Variants in PRELID1 observed in about 807,000 individuals in gnomAD.
PRELID1 encodes PRELI domain-containing protein 1, mitochondrial.
PRELID1 carries 15 observed loss-of-function variants against 29.0 expected under a neutral mutation model. The ratio of observed to expected loss-of-function variants is 0.52; its 90% CI spans 0.35 to 0.80. PRELID1 has a LOEUF of 0.80. Among genes scored for constraint, PRELID1 ranks in the 30% least tolerant of loss-of-function variants. The probability of loss-of-function intolerance (pLI) is 0.01; values close to 1 mark genes in which losing one functional copy is unlikely to be tolerated. For missense variants in PRELID1, 187 were observed against 275.9 expected, an observed-to-expected ratio of 0.68 and a Z score of 2.28; for synonymous variants, 79 against 106.5, an observed-to-expected ratio of 0.74 and a Z score of 1.59.
At position 177,305,950 on chromosome 5, in the gene PRELID1, CCT is replaced by C. The variant is rs1760860570; in HGVS notation, c.401_402del (p.Ser134Ter). On this transcript the variant is annotated frameshift_variant, in exon 3 of 5. Transcript: ENST00000303204. LOFTEE classifies it high-confidence loss of function. ...GAAATCCGCCGGGAAGCCTGGGTCT[CCT>C]CTAGCTTATTTGGTGTCTCCAGAGC... is the stretch of plus-strand genomic sequence containing the variant. The C allele has an allele frequency of 6.2e-7, 1 of 1,614,098 alleles. No homozygotes were observed. Among genetic ancestry groups the C allele is most frequent in the East Asian group, 2.2e-5 (1 of 44,888 alleles).
chr5:177,305,128 A>G (rs887799151), intron 2 of PRELID1, among the ~76,000 whole-genome samples: 1 of 151,988 alleles, frequency 6.6e-6, no homozygotes, highest in Non-Finnish European at 1.5e-5. Context: ...AAGCGCTCCC[A>G]TCTGGCATCT....
intron 4 of PRELID1, 55 bp downstream of exon 4, chr5:177,306,231 C>G (rs753970231): frequency 1.3e-6 from 2 of 1,583,758 alleles, no homozygotes; most frequent in African/African-American, 2.7e-5. Context: ...TTCAGCCTAG[C>G]GGGCGTGGAG....
At chr5:177,304,214 C>T in intron 1 of PRELID1, 137 bp downstream of exon 1, 1 of 870,858 alleles carries the variant, frequency 1.1e-6, no homozygotes, top group Non-Finnish European at 1.8e-6. Flanking sequence ...GCGGCCAGGC[C>T]AGGCCTGCAA....
intron 1 of PRELID1, 45 bp from the exon 2 acceptor site, chr5:177,304,580 T>C: frequency 6.5e-7 from 1 of 1,532,642 alleles, no homozygotes; most frequent in East Asian, 2.3e-5. Flanking sequence ...GGGCAGTCTC[T>C]TAGGGGCAAG....
chr5:177,306,019 G>A (rs1285787561), intron 3 of PRELID1, 35 bp downstream of exon 3: 1 of 1,605,514 alleles, frequency 6.2e-7, no homozygotes, highest in Admixed American at 1.7e-5. Flanking sequence ...GGGGCTCTGG[G>A]ACCCAGTGCT....
Position 177,306,401 on chromosome 5 carries a change from G to T in PRELID1, c.512-21G>T, listed in dbSNP as rs780383596. 1.9e-6 allele frequency: 3 copies of T among 1,613,634 alleles called. No homozygotes were observed. In the African/African-American group the frequency reaches 4.0e-5, roughly 22 times the overall value. ...GTCTTTCAGGCATCTTCTAAAGGCA[G>T]CCACCTGCCGTTCGCGACAGGCGAG... On this transcript the variant is annotated intron_variant, in intron 4 of 4. Coordinates refer to ENST00000303204, the MANE Select transcript of PRELID1 (RefSeq NM_013237.4).
chr5:177,304,941 T>C, intron 2 of PRELID1, 91 bp downstream of exon 2: 1 of 1,286,746 alleles, frequency 7.8e-7, no homozygotes, highest in Non-Finnish European at 1.1e-6. Context: ...TAGAGAGCCA[T>C]AAGGCAGCTT....
rs756632017 is a variant in PRELID1, at chr5:177,306,527, A to G, written c.617A>G (p.Lys206Arg). 115 of 1,612,376 alleles carry G rather than the reference A, an allele frequency of 7.1e-5. No individual in the cohort carries two copies. The highest frequency in any genetic ancestry group is 8.8e-5 in the Non-Finnish European group (104 of 1,179,374). The change falls in exon 5 of 5, where the codon AAG becomes AGG. Residue 206 changes from lysine to arginine, a missense_variant. Transcript: ENST00000303204. The stretch of plus-strand genomic sequence containing the variant: ...GAGAAGGCCAAGGACCTCGCCAGCA[A>G]GGCGGCCACCAAGAAGCAGCAGCAG... Reference protein sequence around the residue: ...ATEKAKDLASKAATKKQQQQQ... With the variant: ...ATEKAKDLASRAATKKQQQQQ...
chr5:177,306,120 A>G lies in PRELID1; in HGVS notation c.455A>G (p.Lys152Arg), dbSNP rs1469172307. 1 of 1,613,804 alleles carries G rather than the reference A, an allele frequency of 6.2e-7. No homozygotes were observed. Among genetic ancestry groups the G allele is most frequent in the African/African-American group, 1.3e-5 (1 of 74,916 alleles). ...AVQEFGLARF[K>R]SNVTKTMKGF... ...CAGGAATTTGGTCTTGCCCGATTCA[A>G]AAGCAACGTGACCAAGACTATGAAG... Residue 152 changes from lysine to arginine, a missense_variant, in exon 4 of 5, where the codon AAA becomes AGA. Physicochemically the swap from Lys to Arg is conservative, Grantham distance 26 (BLOSUM62 2). Transcript: ENST00000303204.
chr5:177,306,136 G>C lies in PRELID1; in HGVS notation c.471G>C (p.Lys157Asn), dbSNP rs764877113. The change falls in exon 4 of 5, where the codon AAG becomes AAC. Residue 157 changes from lysine (K) to asparagine (N), a missense_variant. Physicochemically the swap from Lys to Asn is moderately conservative, Grantham distance 94 (BLOSUM62 0). Transcript: ENST00000303204. ...CCCGATTCAAAAGCAACGTGACCAAGACTATGAAGGGTTTTGAATATATCT... is the reference window on the plus strand; with the variant it reads ...CCCGATTCAAAAGCAACGTGACCAACACTATGAAGGGTTTTGAATATATCT... ...GLARFKSNVT[K>N]TMKGFEYILA... The C allele has an allele frequency of 1.2e-6, 2 of 1,613,936 alleles. No individual in the cohort carries two copies. The highest frequency in any genetic ancestry group is 3.3e-5 in the Admixed American group (2 of 60,018).
Position 177,303,933 on chromosome 5 carries a change from AG to A in PRELID1, c.-51del. ...CCGGCCCGGCCCTCGCGTGCCTCCCAGGCTCCGCACCCCTGATGCTGCGCGG... is the reference window on the plus strand; with the variant it reads ...CCGGCCCGGCCCTCGCGTGCCTCCCAGCTCCGCACCCCTGATGCTGCGCGG... On this transcript the variant is annotated 5_prime_UTR_variant, in exon 1 of 5. Coordinates refer to ENST00000303204, the MANE Select transcript of PRELID1 (RefSeq NM_013237.4). This position sits in a 1 kb window ranked among gnomAD's most constrained non-coding sequence, Gnocchi z 6.1. 6.5e-7 allele frequency: 1 copy of A among 1,537,122 alleles called. No individual in the cohort carries two copies. The highest frequency in any genetic ancestry group is 8.8e-7 in the Non-Finnish European group (1 of 1,131,878).
Position 177,306,620 on chromosome 5 carries a change from G to A in PRELID1, c.*50G>A, listed in dbSNP as rs184770126. ...CCAGACAGCTAGGCTTAGCCTCTCTGCCCTCCCTTCATTGTACTTTATCAT... is the reference window on the plus strand; with the variant it reads ...CCAGACAGCTAGGCTTAGCCTCTCTACCCTCCCTTCATTGTACTTTATCAT... On this transcript the variant is annotated 3_prime_UTR_variant, in exon 5 of 5. Transcript: ENST00000303204. 7.4e-5 allele frequency: 116 copies of A among 1,572,594 alleles called. 1 individual carries two copies. In the Middle Eastern group the frequency reaches 1.3e-3, roughly 18 times the overall value.
At chr5:177,304,449 G>A in intron 1 of PRELID1, 176 bp from the exon 2 acceptor site, 1 of 702,688 alleles carries the variant, frequency 1.4e-6, no homozygotes, top group South Asian at 1.5e-5. Flanking sequence ...GATGGCGGGA[G>A]TGGGAATTTG....
rs1581586759 is a variant in PRELID1 at position 177,305,779 on chromosome 5, C to T, written c.319-92C>T. On this transcript the variant is annotated intron_variant, in intron 2 of 4. Coordinates refer to ENST00000303204, the MANE Select transcript of PRELID1 (RefSeq NM_013237.4). Reference sequence around the variant, plus strand: ...GAAGGAATGGATTTTCATTGTATTGCTTCGCCTCATGAAAAGTGACAGGGA... The same window carrying T: ...GAAGGAATGGATTTTCATTGTATTGTTTCGCCTCATGAAAAGTGACAGGGA... 4.4e-5 allele frequency: 46 copies of T among 1,034,134 alleles called. No individual in the cohort carries two copies. The East Asian group carries it at 1.1e-3, about 25-fold the overall frequency. The allele number at this position is 1,034,134 out of a possible 1,614,324, so 64.1% of individuals were successfully genotyped here.
chr5:177,305,063 C>G (rs1446378571), intron 2 of PRELID1, among the ~76,000 whole-genome samples: 1 of 152,190 alleles, frequency 6.6e-6, no homozygotes, highest in Non-Finnish European at 1.5e-5. Flanking sequence ...TTGACTCATT[C>G]ATACAGTGGG....
In PRELID1 at chr5:177,303,804, G is replaced by T. The variant is rs1365436386; in HGVS notation, c.-182G>T. 2.3e-6 allele frequency: 1 copy of T among 436,936 alleles called. No homozygotes were observed. The highest frequency in any genetic ancestry group is 3.9e-6 in the Non-Finnish European group (1 of 257,268). The allele number at this position is 436,936 out of a possible 1,614,324, so 27.1% of individuals were successfully genotyped here. A position where few individuals can be genotyped will look rare whatever the true frequency, so the allele number is the denominator to read the frequency against. ...GTGGCTGCGCCGGAAGTGGCGCGCGGCCGGACAACTCATGGCGGCGGCGGC... is the reference window on the plus strand; with the variant it reads ...GTGGCTGCGCCGGAAGTGGCGCGCGTCCGGACAACTCATGGCGGCGGCGGC... On this transcript the variant is annotated 5_prime_UTR_variant, in exon 1 of 5. Coordinates refer to ENST00000303204, the MANE Select transcript of PRELID1 (RefSeq NM_013237.4). The surrounding 1 kb of genome is among the most constrained non-coding windows in gnomAD (Gnocchi z 6.1).
chr5:177,304,817 C>T lies in PRELID1; in HGVS notation c.285C>T (p.Thr95=). ...IVDPQNQTMT[T]FTWNINHARL... ...ACCCACAGAATCAGACCATGACTAC[C>T]TTCACCTGGAACATCAACCACGCCC... Residue 95 remains threonine, a synonymous_variant, in exon 2 of 5, where the codon ACC becomes ACT. Transcript: ENST00000303204. The T allele has an allele frequency of 1.2e-6, 2 of 1,613,736 alleles. No individual in the cohort carries two copies. The highest frequency in any genetic ancestry group is 8.5e-7 in the Non-Finnish European group (1 of 1,179,722).
At chr5:177,306,301 G>A in intron 4 of PRELID1, 121 bp from the exon 5 acceptor site, 2 of 1,567,186 alleles carry the variant, frequency 1.3e-6, no homozygotes, top group Non-Finnish European at 1.8e-6. Context: ...GGGGGTGGGA[G>A]GAGGGTGAAT....
chr5:177,306,379 T>C (rs996674370), intron 4 of PRELID1, 43 bp from the exon 5 acceptor site: 2 of 1,613,086 alleles, frequency 1.2e-6, no homozygotes, highest in African/African-American at 1.3e-5. Flanking sequence ...TAGGTTGGTC[T>C]TTCAGGCATC....
Sources: gnomAD v4.1 joint callset for allele counts (sites outside exome capture counted in the v4.1 genomes callset) on GRCh38, gnomAD v4.1.1 for gene constraint, Gnocchi (gnomAD v3.1) non-coding constraint, MANE v1.5 for transcripts, NCBI Gene and HGNC (gene_info 2026-07-23, HGNC 2026-07-21) for gene names.